The following IL12RB2 variants were observed in gnomAD, a reference collection of about 807,000 sequenced individuals.
IL12RB2 encodes interleukin 12 receptor subunit beta 2.
In IL12RB2, 82 loss-of-function variants were observed where a neutral mutation model predicts 89.4. That is an observed-to-expected ratio of 0.92 (90% CI 0.77 to 1.10). IL12RB2 has a LOEUF of 1.10. IL12RB2 is among the 50% of genes least tolerant of loss of function. IL12RB2 has a pLI of 0.00. For missense variants in IL12RB2, 963 were observed against 1,031.9 expected, an observed-to-expected ratio of 0.93 and a Z score of 0.92; for synonymous variants, 368 against 370.1, an observed-to-expected ratio of 0.99 and a Z score of 0.07.
At chr1:67,386,332 C>T (rs927610402) in intron 14 of IL12RB2, among the ~76,000 whole-genome samples, 2 of 151,994 alleles carry the variant, frequency 1.3e-5, no homozygotes, top group Admixed American at 6.6e-5. Flanking sequence ...GCATTCCGTA[C>T]CTCCTTTCTT....
chr1:67,379,882 T>TTTG, intron 13 of IL12RB2, 104 bp from the exon 14 acceptor site: 1 of 950,134 alleles, frequency 1.1e-6, no homozygotes, highest in Non-Finnish European at 1.7e-6. Context: ...AAATGCTTTT[T>TTTG]CCTTCCAAAT....
rs1553310360 is a variant in IL12RB2, at chr1:67,326,943, T to TTTTATTTTATTTATTTA, written c.479+101_479+102insTATTTATTTATTTATTT. ...GTTTTCTTTATTTATTTTTATTTTA[T>TTTTATTTTATTTATTTA]TTTATTTATTTATTTATTTATTTAT... On this transcript the variant is annotated intron_variant, in intron 5 of 16. Coordinates refer to ENST00000674203, the MANE Select transcript of IL12RB2 (RefSeq NM_001374259.2). 1.9e-5 allele frequency: 13 copies of TTTTATTTTATTTATTTA among 696,728 alleles called. No individual in the cohort carries two copies. The African/African-American group carries it at 2.0e-4, about 10-fold the overall frequency. The allele number at this position is 696,728 out of a possible 1,614,324, so 43.2% of individuals were successfully genotyped here.
At chr1:67,330,273 TAA>T (rs66726768) in intron 7 of IL12RB2, among the ~76,000 whole-genome samples, 2,156 of 150,502 alleles carry the variant, frequency 0.014, 63 homozygotes, top group African/African-American at 0.05. Context: ...AGGGTTTTTT[TAA>T]AAAAAAAAAA....
intron 4 of IL12RB2, among the ~76,000 whole-genome samples, chr1:67,326,405 TA>T (rs1657289049): frequency 6.6e-6 from 1 of 152,008 alleles, no homozygotes; most frequent in Admixed American, 6.5e-5. Context: ...TTGGGCCAGA[TA>T]TTTCACCTCT....
At chr1:67,381,765 C>CAA (rs61066016) in intron 14 of IL12RB2, among the ~76,000 whole-genome samples, 4 of 123,672 alleles carry the variant, frequency 3.2e-5, no homozygotes, top group South Asian at 2.5e-4. Context: ...GACTATGTTT[C>CAA]AAAAAAAAAA....
At chr1:67,374,777 CTTTTTTT>C (rs35122967) in intron 13 of IL12RB2, among the ~76,000 whole-genome samples, 2 of 53,840 alleles carry the variant, frequency 3.7e-5, no homozygotes, top group Non-Finnish European at 6.5e-5. Flanking sequence ...AGCCCAGCCT[CTTTTTTT>C]TTTTTTTTTT....
At chr1:67,328,457 T>A in intron 6 of IL12RB2, 73 bp downstream of exon 6, 5 of 1,604,254 alleles carry the variant, frequency 3.1e-6, no homozygotes, top group Non-Finnish European at 4.2e-6. Context: ...TTTTATATGG[T>A]TGTTTCAAGA....
chr1:67,339,611 G>A (rs1330186089), intron 9 of IL12RB2, among the ~76,000 whole-genome samples: 1 of 151,970 alleles, frequency 6.6e-6, no homozygotes, highest in Non-Finnish European at 1.5e-5. Flanking sequence ...CATTATCATA[G>A]AATGCGAAAG....
intron 8 of IL12RB2, among the ~76,000 whole-genome samples, chr1:67,333,560 T>C (rs756398907): frequency 1.3e-5 from 2 of 152,136 alleles, no homozygotes; most frequent in African/African-American, 2.4e-5. Flanking sequence ...CTTTACTCCA[T>C]AGGGCCCTTT....
chr1:67,370,021 G>GA (rs56153451), intron 11 of IL12RB2, among the ~76,000 whole-genome samples: 70,867 of 125,138 alleles, frequency 0.57, 20,421 homozygotes, highest in Non-Finnish European at 0.67. Flanking sequence ...GACTCCATCT[G>GA]AAAAAAAAAA....
intron 9 of IL12RB2, among the ~76,000 whole-genome samples, chr1:67,342,491 G>A (rs1298104977): frequency 2.0e-5 from 3 of 152,120 alleles, no homozygotes; most frequent in African/African-American, 4.8e-5. Context: ...GAGTATGTGT[G>A]TGAGTGTGGG....
intron 8 of IL12RB2, among the ~76,000 whole-genome samples, chr1:67,337,808 T>G (rs1658961078): frequency 6.6e-6 from 1 of 151,808 alleles, no homozygotes; most frequent in East Asian, 1.9e-4. Flanking sequence ...AACACAAGGT[T>G]TGTCATTTAT....
intron 11 of IL12RB2, among the ~76,000 whole-genome samples, chr1:67,368,255 C>T (rs1662927033): frequency 6.6e-6 from 1 of 152,202 alleles, no homozygotes; most frequent in Non-Finnish European, 1.5e-5. Context: ...ATCCCTAGCA[C>T]AATGCCAAAG....
intron 13 of IL12RB2, among the ~76,000 whole-genome samples, chr1:67,373,830 C>T (rs1663635683): frequency 6.6e-6 from 1 of 152,166 alleles, no homozygotes; most frequent in Non-Finnish European, 1.5e-5. Context: ...AACAAAGCCA[C>T]CCTAAGATGC....
intron 9 of IL12RB2, among the ~76,000 whole-genome samples, chr1:67,346,051 G>A (rs544076307): frequency 6.6e-6 from 1 of 152,254 alleles, no homozygotes; most frequent in African/African-American, 2.4e-5. Flanking sequence ...GCAGAACACT[G>A]GGGAGTATCT....
chr1:67,316,945 A>G (rs1024387689), intron 2 of IL12RB2, among the ~76,000 whole-genome samples: 5 of 152,084 alleles, frequency 3.3e-5, no homozygotes, highest in African/African-American at 1.2e-4. Context: ...TTTCCATGAG[A>G]GCTAAAATCC....
intron 9 of IL12RB2, among the ~76,000 whole-genome samples, 162 bp from the exon 10 acceptor site, chr1:67,350,708 G>A (rs1264335453): frequency 1.3e-5 from 2 of 152,196 alleles, no homozygotes; most frequent in African/African-American, 4.8e-5. Context: ...GGAGGGGAAG[G>A]TGGGTATTGC....
In IL12RB2 at chr1:67,353,811, T is replaced by G. The variant is rs1042312428; in HGVS notation, c.1258+2722T>G. On this transcript the variant is annotated intron_variant, in intron 10 of 16. Coordinates refer to ENST00000674203, the MANE Select transcript of IL12RB2 (RefSeq NM_001374259.2). ...TGGTTCTATTCTGCTGTTTTTAAAA[T>G]GAAATAAATCAGAATAACTTACTTC... Among the ~76,000 whole-genome samples, 9 of 152,340 alleles carry G rather than the reference T, an allele frequency of 5.9e-5. No homozygotes were observed. In the Middle Eastern group the frequency reaches 0.01, roughly 173 times the overall value.
intron 14 of IL12RB2, 114 bp from the exon 15 acceptor site, chr1:67,386,465 A>G (rs915990150): frequency 5.4e-5 from 43 of 796,566 alleles, no homozygotes; most frequent in Non-Finnish European, 9.4e-5. Flanking sequence ...CTTATTCTTG[A>G]GCACAGCTGC....
Sources: gnomAD v4.1 joint callset for allele counts (sites outside exome capture counted in the v4.1 genomes callset) on GRCh38, gnomAD v4.1.1 for gene constraint, MANE v1.5 for transcripts, NCBI Gene and HGNC (gene_info 2026-07-23, HGNC 2026-07-21) for gene names.